The following MYRIP variants were observed in gnomAD, a reference collection of about 807,000 sequenced individuals.
The protein encoded by MYRIP is myosin VIIA and Rab interacting protein.
A neutral mutation model predicts 98.0 loss-of-function variants in MYRIP; 49 were observed. That is an observed-to-expected ratio of 0.50 (90% confidence interval 0.40 to 0.63). The LOEUF (loss-of-function observed/expected upper bound fraction) is 0.63. Ranked by LOEUF, MYRIP falls within the 30% of genes least tolerant of loss-of-function variation. The pLI is 0.00. For missense variants in MYRIP, 1,004 were observed against 1,058.2 expected (o/e 0.95, Z 0.71); for synonymous variants, 404 against 409.5 (o/e 0.99, Z 0.16).
intron 1 of MYRIP, among the ~76,000 whole-genome samples, chr3:39,865,954 A>G (rs1210701028): frequency 6.6e-6 from 1 of 152,232 alleles, no homozygotes; most frequent in East Asian, 1.9e-4. Flanking sequence ...CCAGATAAAG[A>G]AAATGTGGTA....
At chr3:40,240,265 A>G (rs974655492) in intron 12 of MYRIP, among the ~76,000 whole-genome samples, 29 of 152,110 alleles carry the variant, frequency 1.9e-4, no homozygotes, top group African/African-American at 4.3e-4. Context: ...CCATTGATCT[A>G]TATCTCTGTT....
Position 39,949,387 on chromosome 3 carries a change from C to G in MYRIP, c.110+48461C>G, listed in dbSNP as rs1944962457. On this transcript the variant is annotated intron_variant, in intron 2 of 16. Transcript: ENST00000302541. ...TTTTGAGTTGTAACTCAGCCACTTACTGTGTAACTTTAAACATAATACACT... is the reference window on the plus strand; with the variant it reads ...TTTTGAGTTGTAACTCAGCCACTTAGTGTGTAACTTTAAACATAATACACT... 2.0e-5 allele frequency among the ~76,000 whole-genome samples: 3 copies of G among 152,202 alleles called. No individual in the cohort carries two copies. The South Asian group carries it at 6.2e-4, about 32-fold the overall frequency.
chr3:39,878,004 C>G (rs1020746811), intron 1 of MYRIP, among the ~76,000 whole-genome samples: 8 of 152,322 alleles, frequency 5.3e-5, no homozygotes, highest in South Asian at 2.1e-4. Context: ...CCACCCAGTT[C>G]GAGCTTCCCG....
intron 2 of MYRIP, among the ~76,000 whole-genome samples, chr3:39,917,912 T>G (rs1339544428): frequency 6.6e-6 from 1 of 150,908 alleles, no homozygotes; most frequent in East Asian, 1.9e-4. Context: ...CCACTTTGGA[T>G]TACTGACTTC....
In MYRIP at chr3:39,816,495, G is replaced by C. The variant is rs76063057; in HGVS notation, c.-31+6579G>C. ...CAGTGTCTTGAAGAAAGATCAGACTGACTGAAGAGTTTACAAAGGCTAATA... is the reference window on the plus strand; with the variant it reads ...CAGTGTCTTGAAGAAAGATCAGACTCACTGAAGAGTTTACAAAGGCTAATA... On this transcript the variant is annotated intron_variant, in intron 1 of 16. Coordinates refer to ENST00000302541, the MANE Select transcript of MYRIP (RefSeq NM_015460.4). Among the ~76,000 whole-genome samples, 263 of 152,314 alleles carry C rather than the reference G, an allele frequency of 1.7e-3. 3 individuals carry two copies. The highest frequency in any genetic ancestry group is 0.01 in the East Asian group (52 of 5,182).
intron 1 of MYRIP, among the ~76,000 whole-genome samples, chr3:39,852,658 G>A (rs984440773): frequency 2.6e-5 from 4 of 152,026 alleles, no homozygotes; most frequent in East Asian, 1.9e-4. Context: ...TCTGAGTTAC[G>A]TCACTTAGAA....
chr3:39,996,388 C>A (rs1946355621), intron 2 of MYRIP, among the ~76,000 whole-genome samples: 1 of 152,102 alleles, frequency 6.6e-6, no homozygotes, highest in Non-Finnish European at 1.5e-5. Flanking sequence ...CAATCCTAGT[C>A]TCTGATAAAA....
At chr3:40,088,828 A>G (rs1206942758) in intron 3 of MYRIP, among the ~76,000 whole-genome samples, 1 of 152,254 alleles carries the variant, frequency 6.6e-6, no homozygotes, top group African/African-American at 2.4e-5. Context: ...AGAGGCTGGC[A>G]TGCTCAGATT....
At chr3:40,220,107 A>G (rs1274215516) in intron 11 of MYRIP, among the ~76,000 whole-genome samples, 4 of 151,576 alleles carry the variant, frequency 2.6e-5, no homozygotes, top group East Asian at 3.9e-4. Flanking sequence ...ATTTTTTCAT[A>G]TGTTTTTTGG....
At chr3:40,232,663 A>G (rs1952694604) in intron 11 of MYRIP, among the ~76,000 whole-genome samples, 1 of 152,270 alleles carries the variant, frequency 6.6e-6, no homozygotes, top group Admixed American at 6.5e-5. Flanking sequence ...ATGACTGCCA[A>G]GCAACAGTGA....
chr3:39,863,795 A>G (rs1942538458), intron 1 of MYRIP, among the ~76,000 whole-genome samples: 3 of 152,156 alleles, frequency 2.0e-5, no homozygotes, highest in Admixed American at 2.0e-4. Flanking sequence ...AACTCATTCT[A>G]TAAGGCCAGT....
At chr3:40,169,743 G>A (rs1170136217) in intron 7 of MYRIP, among the ~76,000 whole-genome samples, 1 of 152,166 alleles carries the variant, frequency 6.6e-6, no homozygotes, top group African/African-American at 2.4e-5. Flanking sequence ...ATCATAAAAG[G>A]ATTATTTGTA....
intron 2 of MYRIP, among the ~76,000 whole-genome samples, chr3:39,956,728 A>G (rs1226584395): frequency 6.7e-6 from 1 of 150,366 alleles, no homozygotes; most frequent in South Asian, 2.1e-4. Flanking sequence ...CAAAAAATCA[A>G]TGAATCCAGG....
intron 2 of MYRIP, among the ~76,000 whole-genome samples, chr3:39,992,802 T>C (rs917205555): frequency 4.6e-5 from 7 of 152,182 alleles, no homozygotes; most frequent in African/African-American, 7.2e-5. Context: ...ATGCCCAGCC[T>C]CCAAATTCTT....
chr3:40,193,045 C>T lies in MYRIP; in HGVS notation c.1665+2582C>T, dbSNP rs559546431. 3.3e-5 allele frequency among the ~76,000 whole-genome samples: 5 copies of T among 152,168 alleles called. No individual in the cohort carries two copies. The South Asian group carries it at 1.0e-3, about 32-fold the overall frequency. On this transcript the variant is annotated intron_variant, in intron 10 of 16. Transcript: ENST00000302541. ...TGTTTTTCCTGGACTGAGCTTTTTC[C>T]GGGAACTTTTTGAAACAATAAGAAC...
intron 1 of MYRIP, among the ~76,000 whole-genome samples, chr3:39,885,037 A>G (rs1943254376): frequency 6.7e-6 from 1 of 150,358 alleles, no homozygotes; most frequent in Non-Finnish European, 1.5e-5. Context: ...CTATTTCCTC[A>G]TAGACTTACC....
intron 3 of MYRIP, among the ~76,000 whole-genome samples, chr3:40,139,730 C>A (rs1949854953): frequency 6.6e-6 from 1 of 152,138 alleles, no homozygotes; most frequent in Non-Finnish European, 1.5e-5. Flanking sequence ...CAGGCACATG[C>A]TACCACACCC....
rs76504881 is a variant in MYRIP at position 40,029,024 on chromosome 3, T to G, written c.111-15026T>G. 7.7e-3 allele frequency among the ~76,000 whole-genome samples: 1,172 copies of G among 152,244 alleles called. 14 individuals are homozygous for G. The highest frequency in any genetic ancestry group is 0.026 in the African/African-American group (1,099 of 41,548). The stretch of plus-strand genomic sequence containing the variant: ...TATCAGCAAACAAAACTCATAAAGC[T>G]CAAGTTATCTTATGGATAGAGTTCA... On this transcript the variant is annotated intron_variant, in intron 2 of 16. Coordinates refer to ENST00000302541, the MANE Select transcript of MYRIP (RefSeq NM_015460.4).
chr3:40,187,199 C>T (rs1454174312), intron 9 of MYRIP, among the ~76,000 whole-genome samples: 3 of 152,184 alleles, frequency 2.0e-5, no homozygotes, highest in Non-Finnish European at 4.4e-5. Context: ...ATAGCAGGCA[C>T]TAGGATTGAT....
Sources: gnomAD v4.1 joint callset for allele counts (sites outside exome capture counted in the v4.1 genomes callset) on GRCh38, gnomAD v4.1.1 for gene constraint, MANE v1.5 for transcripts, NCBI Gene and HGNC (gene_info 2026-07-23, HGNC 2026-07-21) for gene names.